XKR4: variants seen among roughly 807,000 people sequenced by gnomAD.
The protein encoded by XKR4 is XK-related protein 4.
A neutral mutation model predicts 53.9 loss-of-function variants in XKR4; 12 were observed. The ratio of observed to expected loss-of-function variants is 0.22; its 90% confidence interval spans 0.14 to 0.36. The LOEUF (loss-of-function observed/expected upper bound fraction) is 0.36, where lower values mean the gene tolerates loss of function less well. XKR4 is among the 10% of genes least tolerant of loss of function. XKR4 has a pLI of 1.00. For synonymous variants in XKR4, 354 were observed against 362.4 expected (o/e 0.98, Z 0.26); for missense variants, 799 against 859.5 (o/e 0.93, Z 0.88).
At chr8:55,110,277 C>T (rs1816213644) in intron 1 of XKR4, among the ~76,000 whole-genome samples, 1 of 152,094 alleles carries the variant, frequency 6.6e-6, no homozygotes, top group South Asian at 2.1e-4. Flanking sequence ...TGATTCTGAC[C>T]ACCATAACAA....
intron 1 of XKR4, among the ~76,000 whole-genome samples, chr8:55,225,317 T>C (rs1817937956): frequency 6.6e-6 from 1 of 152,258 alleles, no homozygotes; most frequent in Non-Finnish European, 1.5e-5. Flanking sequence ...GATAAATATA[T>C]GCATTGTATG....
At chr8:55,259,588 G>A (rs1201962509) in intron 1 of XKR4, among the ~76,000 whole-genome samples, 1 of 152,056 alleles carries the variant, frequency 6.6e-6, no homozygotes, top group Non-Finnish European at 1.5e-5. Context: ...CTTGATGTGG[G>A]GACCCTGGCT....
At chr8:55,418,098 G>A (rs919299603) in intron 2 of XKR4, among the ~76,000 whole-genome samples, 5 of 152,170 alleles carry the variant, frequency 3.3e-5, no homozygotes, top group Non-Finnish European at 7.3e-5. Flanking sequence ...TGCTACAGAG[G>A]CCTCAGCCCA....
At chr8:55,383,303 A>G (rs1804262254) in intron 2 of XKR4, among the ~76,000 whole-genome samples, 1 of 152,234 alleles carries the variant, frequency 6.6e-6, no homozygotes, top group African/African-American at 2.4e-5. Flanking sequence ...CTAGCCTTTG[A>G]TCTACCTAAT....
intron 1 of XKR4, among the ~76,000 whole-genome samples, chr8:55,298,622 TTC>T (rs2129376434): frequency 6.6e-6 from 1 of 152,266 alleles, no homozygotes; most frequent in East Asian, 1.9e-4. Context: ...GATTCAGCAC[TTC>T]CCACCAGGCC....
At chr8:55,135,101 A>G (rs548124974) in intron 1 of XKR4, 1 of 152,480 alleles carries the variant, frequency 6.6e-6, no homozygotes, top group African/African-American at 2.4e-5. Context: ...AAACAGTGTA[A>G]TGGCAAAAGC....
intron 2 of XKR4, among the ~76,000 whole-genome samples, chr8:55,364,979 T>TTGC (rs1480294906): frequency 6.6e-6 from 1 of 152,254 alleles, no homozygotes; most frequent in East Asian, 1.9e-4. Flanking sequence ...TTAGTTAGGT[T>TTGC]AATTAGTTTA....
At chr8:55,474,181 A>AT (rs1289725119) in intron 2 of XKR4, among the ~76,000 whole-genome samples, 3 of 152,096 alleles carry the variant, frequency 2.0e-5, no homozygotes, top group Admixed American at 6.5e-5. Context: ...ACACACTGGG[A>AT]TTACAGGCAT....
intron 1 of XKR4, among the ~76,000 whole-genome samples, chr8:55,185,269 T>C (rs1368664203): frequency 6.6e-6 from 1 of 152,254 alleles, no homozygotes; most frequent in Non-Finnish European, 1.5e-5. Flanking sequence ...GGAATAATTT[T>C]TTCAGTATTG....
At chr8:55,416,496 A>G (rs6995072) in intron 2 of XKR4, among the ~76,000 whole-genome samples, 18,312 of 152,184 alleles carry the variant, frequency 0.12, 2,889 homozygotes, top group African/African-American at 0.36. Flanking sequence ...GGATCTGGCC[A>G]GATATTACTT....
intron 2 of XKR4, among the ~76,000 whole-genome samples, chr8:55,379,825 G>A (rs1335992947): frequency 6.6e-6 from 1 of 152,210 alleles, no homozygotes; most frequent in Non-Finnish European, 1.5e-5. Context: ...TCCAGAGGCT[G>A]TGGGAGAACC....
At chr8:55,410,747 C>T (rs926156263) in intron 2 of XKR4, among the ~76,000 whole-genome samples, 6 of 152,206 alleles carry the variant, frequency 3.9e-5, no homozygotes, top group East Asian at 1.9e-4. Flanking sequence ...CCCTGTAACA[C>T]AGGTGTCTCA....
intron 2 of XKR4, among the ~76,000 whole-genome samples, chr8:55,496,145 A>G (rs1050013042): frequency 3.9e-5 from 6 of 152,220 alleles, no homozygotes; most frequent in Admixed American, 3.3e-4. Context: ...GTTAAGTAAT[A>G]GTAATGAGGG....
At chr8:55,467,622 T>G (rs1382003900) in intron 2 of XKR4, among the ~76,000 whole-genome samples, 6 of 152,180 alleles carry the variant, frequency 3.9e-5, no homozygotes, top group Non-Finnish European at 8.8e-5. Flanking sequence ...ACCGGTAAAG[T>G]GCTAATTTCC....
chr8:55,158,079 T>A (rs1816933874), intron 1 of XKR4, among the ~76,000 whole-genome samples: 1 of 152,246 alleles, frequency 6.6e-6, no homozygotes, highest in Admixed American at 6.5e-5. Context: ...TTAAGTTCTT[T>A]GAGAAATCAC....
At chr8:55,104,474 T>C (rs1411253843) in intron 1 of XKR4, among the ~76,000 whole-genome samples, 2 of 152,178 alleles carry the variant, frequency 1.3e-5, no homozygotes, top group Non-Finnish European at 2.9e-5. Flanking sequence ...AGATGTGAGT[T>C]CTTGACTATG....
At chr8:55,255,194 T>C (rs1818420380) in intron 1 of XKR4, among the ~76,000 whole-genome samples, 3 of 152,204 alleles carry the variant, frequency 2.0e-5, no homozygotes, top group Admixed American at 2.0e-4. Context: ...CTCTGGATGG[T>C]AGAGTGCCTG....
intron 2 of XKR4, among the ~76,000 whole-genome samples, chr8:55,519,431 A>G (rs1178730724): frequency 1.3e-5 from 2 of 152,240 alleles, no homozygotes; most frequent in African/African-American, 4.8e-5. Flanking sequence ...CTGCCTAGCA[A>G]TGTAACCATG....
chr8:55,289,851 G>GGAAGGAAAGAAAGAAA (rs1426200079), intron 1 of XKR4, among the ~76,000 whole-genome samples: 37 of 135,700 alleles, frequency 2.7e-4, no homozygotes, highest in African/African-American at 1.1e-3. Context: ...AAAGAAAGAA[G>GGAAGGAAAGAAAGAAA]GAAAGAAAGA....
Sources: allele counts gnomAD v4.1 joint callset (sites outside exome capture counted in the v4.1 genomes callset), GRCh38; gene constraint gnomAD v4.1.1; transcripts MANE v1.5; gene names NCBI Gene and HGNC (gene_info 2026-07-23, HGNC 2026-07-21).